The following GALNT8 variants were observed in gnomAD, a reference collection of about 807,000 sequenced individuals.
GALNT8 encodes polypeptide N-acetylgalactosaminyltransferase 8, also known as probable polypeptide N-acetylgalactosaminyltransferase 8.
In GALNT8, 66 loss-of-function variants were observed where a neutral mutation model predicts 62.7. The observed-to-expected ratio is 1.05, with a 90% CI of 0.86 to 1.29. GALNT8 has a LOEUF of 1.29. GALNT8 is among the 50% of genes most tolerant of loss of function. The pLI is 0.00. For synonymous variants in GALNT8, 288 were observed against 294.3 expected, an observed-to-expected ratio of 0.98 and a Z score of 0.22; for missense variants, 771 against 791.8, an observed-to-expected ratio of 0.97 and a Z score of 0.32.
intron 2 of GALNT8, among the ~76,000 whole-genome samples, chr12:4,735,474 A>G (rs1946240415): frequency 6.6e-6 from 1 of 151,960 alleles, no homozygotes. Context: ...CCTTGGTATC[A>G]CCCCAGGAAG....
intron 10 of GALNT8, among the ~76,000 whole-genome samples, chr12:4,766,001 G>A (rs1036955722): frequency 3.3e-5 from 5 of 152,178 alleles, no homozygotes; most frequent in East Asian, 1.9e-4. Context: ...TTGAATTCCT[G>A]ACTTCGTGAT....
intron 6 of GALNT8, among the ~76,000 whole-genome samples, chr12:4,748,711 T>C (rs1475143270): frequency 6.6e-6 from 1 of 152,212 alleles, no homozygotes; most frequent in Non-Finnish European, 1.5e-5. Flanking sequence ...CTGGGTCTTT[T>C]GCAGTTCCAC....
chr12:4,762,346 A>C (rs914473701), intron 7 of GALNT8, among the ~76,000 whole-genome samples: 12 of 152,206 alleles, frequency 7.9e-5, no homozygotes, highest in Non-Finnish European at 1.8e-4. Context: ...CCCAAAGGAA[A>C]ATTCTGGGAA....
At chr12:4,743,177 C>T (rs1416764530) in intron 3 of GALNT8, among the ~76,000 whole-genome samples, 1 of 152,146 alleles carries the variant, frequency 6.6e-6, no homozygotes, top group Non-Finnish European at 1.5e-5. Context: ...GTTGAGGAAT[C>T]AGACACATCC....
intron 2 of GALNT8, among the ~76,000 whole-genome samples, chr12:4,733,371 C>G (rs1424254197): frequency 2.0e-5 from 3 of 152,110 alleles, no homozygotes. Context: ...GGCACATTTC[C>G]TACCTCTTTT....
intron 6 of GALNT8, among the ~76,000 whole-genome samples, chr12:4,747,367 C>G (rs985123614): frequency 2.0e-5 from 3 of 152,144 alleles, no homozygotes; most frequent in Admixed American, 2.0e-4. Flanking sequence ...ATCCCCTCTC[C>G]CCCAACTACC....
At chr12:4,746,346 C>A in intron 6 of GALNT8, 88 bp downstream of exon 6, 1 of 802,380 alleles carries the variant, frequency 1.2e-6, no homozygotes, top group Non-Finnish European at 2.2e-6. Flanking sequence ...TAGAACAAGG[C>A]TGAATGTCAT....
At chr12:4,759,768 G>A (rs1946363313) in intron 6 of GALNT8, among the ~76,000 whole-genome samples, 2 of 152,110 alleles carry the variant, frequency 1.3e-5, no homozygotes, top group East Asian at 1.9e-4. Flanking sequence ...TAGGTTGCTA[G>A]CCACTGCTAT....
In GALNT8 at chr12:4,744,395, C is replaced by T. The variant is rs142201124; in HGVS notation, c.677-122C>T. On this transcript the variant is annotated intron_variant, in intron 3 of 10. Transcript: ENST00000252318. ...GAAATACTACTTATTTTCTAGTTGA[C>T]TCTTAGAATTGCCCATTTTATGCTG... The T allele has an allele frequency of 1.2e-3, 739 of 637,452 alleles. 7 individuals are homozygous for T. The highest frequency in any genetic ancestry group is 5.2e-3 in the South Asian group (253 of 48,776). 39.5% of individuals were successfully genotyped at this position (637,452 alleles called of 1,614,324 possible).
At chr12:4,739,125 A>T (rs779057045) in intron 2 of GALNT8, 38 bp from the exon 3 acceptor site, 9 of 1,244,770 alleles carry the variant, frequency 7.2e-6, no homozygotes, top group South Asian at 5.7e-5. Context: ...TGAAGTAATT[A>T]AAAAAAAATA....
At position 4,746,203 on chromosome 12, in the gene GALNT8, C is replaced by T. The variant is rs369501360; in HGVS notation, c.1118C>T (p.Ser373Phe). 22 of 1,613,402 alleles carry T rather than the reference C, an allele frequency of 1.4e-5. No homozygotes were observed. In the African/African-American group the frequency reaches 2.7e-4, roughly 20 times the overall value. The change falls in exon 6 of 11, where the codon TCT (serine) becomes TTT (phenylalanine). Residue 373 changes from serine to phenylalanine, a missense_variant. Physicochemically the swap from Ser to Phe is radical, Grantham distance 155. Coordinates refer to ENST00000252318, the MANE Select transcript of GALNT8 (RefSeq NM_017417.2). Reference protein sequence around the residue: ...ANRHFLGEIGSLDGGMLIYGG... With the variant: ...ANRHFLGEIGFLDGGMLIYGG... ...AGGCACTTCCTGGGAGAGATCGGGTCTCTGGATGGTGGAATGCTCATCTAT... is the reference window on the plus strand; with the variant it reads ...AGGCACTTCCTGGGAGAGATCGGGTTTCTGGATGGTGGAATGCTCATCTAT...
intron 1 of GALNT8, among the ~76,000 whole-genome samples, chr12:4,721,377 C>T (rs999564523): frequency 6.6e-6 from 1 of 151,900 alleles, no homozygotes; most frequent in African/African-American, 2.4e-5. Context: ...CGGAGGATCC[C>T]GCCAGCCTCT....
intron 1 of GALNT8, among the ~76,000 whole-genome samples, chr12:4,725,635 A>C (rs1369025016): frequency 6.9e-6 from 1 of 144,582 alleles, no homozygotes; most frequent in Non-Finnish European, 1.5e-5. Context: ...GGCTCACTGC[A>C]ACCTCCACCT....
intron 2 of GALNT8, among the ~76,000 whole-genome samples, 179 bp from the exon 3 acceptor site, chr12:4,738,984 G>T (rs891071663): frequency 6.6e-6 from 1 of 152,098 alleles, no homozygotes; most frequent in African/African-American, 2.4e-5. Flanking sequence ...GGAGAATTTT[G>T]GATAAATGAA....
intron 6 of GALNT8, among the ~76,000 whole-genome samples, chr12:4,752,198 T>C (rs1245005151): frequency 6.6e-6 from 1 of 152,070 alleles, no homozygotes; most frequent in Non-Finnish European, 1.5e-5. Flanking sequence ...TGTTTTTTCA[T>C]TCATTTGGCC....
rs1247677674 is a variant in GALNT8, at chr12:4,726,584, GA to G, written c.266del (p.Lys89ArgfsTer11). 1 of 1,613,640 alleles carries G rather than the reference GA, an allele frequency of 6.2e-7. No individual in the cohort carries two copies. Among genetic ancestry groups the G allele is most frequent in the Non-Finnish European group, 8.5e-7 (1 of 1,179,590 alleles). ...AACAAGAAAATGTGAACAGCACACT[GA>G]AGAGGGCGAAAGATGAAGTACGCCC... ...RQQENVNSTLKRAKDEVRPLL... is the reference protein window; with the variant it reads ...RQQENVNSTLXRAKDEVRPLL... On this transcript the variant is annotated frameshift_variant, in exon 2 of 11. Transcript: ENST00000252318. LOFTEE classifies it high-confidence loss of function. This position sits in a 1 kb window ranked among gnomAD's most constrained non-coding sequence, Gnocchi z 4.1.
At chr12:4,735,966 G>A (rs1454582632) in intron 2 of GALNT8, among the ~76,000 whole-genome samples, 1 of 152,190 alleles carries the variant, frequency 6.6e-6, no homozygotes, top group Non-Finnish European at 1.5e-5. Context: ...AGAGATCTTG[G>A]TGGAGAAAAT....
At chr12:4,744,143 G>T (rs908001102) in intron 3 of GALNT8, among the ~76,000 whole-genome samples, 1 of 152,204 alleles carries the variant, frequency 6.6e-6, no homozygotes, top group Non-Finnish European at 1.5e-5. Context: ...TAGCTATGAA[G>T]ATGTTCCAGG....
At chr12:4,760,932 G>C (rs1232247746) in intron 6 of GALNT8, 26 bp from the exon 7 acceptor site, 3 of 1,603,876 alleles carry the variant, frequency 1.9e-6, no homozygotes, top group Non-Finnish European at 2.6e-6. Flanking sequence ...GTGAAGCACG[G>C]GTGATTTTTT....
Sources: gnomAD v4.1 joint callset for allele counts (sites outside exome capture counted in the v4.1 genomes callset) on GRCh38, gnomAD v4.1.1 for gene constraint, Gnocchi (gnomAD v3.1) non-coding constraint, MANE v1.5 for transcripts, NCBI Gene and HGNC (gene_info 2026-07-23, HGNC 2026-07-21) for gene names.